Variants in RASL12 observed in about 807,000 individuals in gnomAD.
The protein encoded by RASL12 is RAS like family 12, also known as ras-like protein family member 12.
RASL12 carries 16 observed loss-of-function variants against 22.9 expected under a neutral mutation model. The observed-to-expected ratio is 0.70, with a 90% confidence interval of 0.47 to 1.06. RASL12 has a LOEUF of 1.06. RASL12 is among the 50% of genes least tolerant of loss of function. RASL12 has a pLI of 0.00. For missense variants in RASL12, 306 were observed against 353.1 expected (o/e 0.87, Z 1.07); for synonymous variants, 159 against 152.2 (o/e 1.04, Z -0.33).
At chr15:65,074,709 T>C (rs968262419) in intron 1 of RASL12, among the ~76,000 whole-genome samples, 47 of 152,138 alleles carry the variant, frequency 3.1e-4, no homozygotes, top group African/African-American at 9.9e-4. Context: ...CTGGTCCCAT[T>C]TGGAACATGA....
downstream of RASL12, chr15:65,053,085 T>G: frequency 6.2e-7 from 1 of 1,614,086 alleles, no homozygotes; most frequent in Non-Finnish European, 8.5e-7. Context: ...AAGCCAAACT[T>G]GGCCCAGGTG....
At chr15:65,048,277 T>C in the RASL12 span, among the ~76,000 whole-genome samples, 3 of 152,270 alleles carry the variant, frequency 2.0e-5, no homozygotes, top group Admixed American at 2.0e-4. Context: ...CATTCACATA[T>C]GAAAAGCTTA....
chr15:65,068,804 A>C (rs1466748981), upstream of RASL12, among the ~76,000 whole-genome samples: 2 of 152,192 alleles, frequency 1.3e-5, no homozygotes, highest in Non-Finnish European at 2.9e-5. This position sits in a 1 kb window ranked among gnomAD's most constrained non-coding sequence, Gnocchi z 4.2. Context: ...GAACCTGGAC[A>C]CTTAGGATCT....
chr15:65,052,229 A>G (rs1258997773), downstream of RASL12, among the ~76,000 whole-genome samples: 1 of 151,970 alleles, frequency 6.6e-6, no homozygotes, highest in Non-Finnish European at 1.5e-5. Flanking sequence ...AGGCAGAGAG[A>G]TTAGTTAGAA....
At chr15:65,069,071 C>A (rs997902307), upstream of RASL12, among the ~76,000 whole-genome samples, 1 of 152,306 alleles carries the variant, frequency 6.6e-6, no homozygotes, top group Non-Finnish European at 1.5e-5. Flanking sequence ...TTCCCCTTCC[C>A]GCAGATGGTT....
intron 1 of RASL12, among the ~76,000 whole-genome samples, 181 bp downstream of exon 1, chr15:65,067,552 A>G (rs1234086267): frequency 6.6e-6 from 1 of 152,138 alleles, no homozygotes; most frequent in African/African-American, 2.4e-5. Flanking sequence ...AGCCGAGAGA[A>G]GAGAAAGCCC....
downstream of RASL12, chr15:65,053,098 A>C (rs768878212): frequency 1.9e-6 from 3 of 1,614,152 alleles, no homozygotes; most frequent in Non-Finnish European, 2.5e-6. Context: ...CCCAGGTGGA[A>C]CTTGAGTTAA....
chr15:65,055,115 G>A lies in RASL12; in HGVS notation c.585C>T (p.Pro195=), dbSNP rs1485787210. The change falls in exon 5 of 5, where the codon CCC becomes CCT. Residue 195 remains proline (P), a synonymous_variant. Coordinates refer to ENST00000220062, the MANE Select transcript of RASL12 (RefSeq NM_016563.4). Reference sequence around the variant, plus strand: ...GGGCCCTCTCCTCGGAGATGAAGAGGGGCCGGGTCAGGGGGCTCTTCTCCA... The same window carrying A: ...GGGCCCTCTCCTCGGAGATGAAGAGAGGCCGGGTCAGGGGGCTCTTCTCCA... ...RELEKSPLTR[P]LFISEERALP... The A allele has an allele frequency of 1.2e-6, 2 of 1,611,210 alleles. No individual in the cohort carries two copies. Among genetic ancestry groups the A allele is most frequent in the Admixed American group, 1.7e-5 (1 of 59,732 alleles).
chr15:65,052,732 G>A (rs1046685001), downstream of RASL12, among the ~76,000 whole-genome samples: 2 of 152,090 alleles, frequency 1.3e-5, no homozygotes, highest in African/African-American at 4.8e-5. Context: ...GAAGGTGCGG[G>A]GGTGGCAATG....
Position 65,055,219 on chromosome 15 carries a change from A to G in RASL12, c.481T>C (p.Phe161Leu). The G allele has an allele frequency of 1.2e-6, 2 of 1,607,888 alleles. No homozygotes were observed. The highest frequency in any genetic ancestry group is 1.1e-5 in the South Asian group (1 of 90,522). Reference sequence around the variant, plus strand: ...AAGTCCAGACAGGCAGAGACCTCGAAAAACAGGCACCCAAACCTGCCTGCC... The same window carrying G: ...AAGTCCAGACAGGCAGAGACCTCGAGAAACAGGCACCCAAACCTGCCTGCC... The part of the protein sequence containing the change: ...ALAGRFGCLF[F>L]EVSACLDFEH... The change falls in exon 5 of 5, where the codon TTC becomes CTC. Residue 161 changes from phenylalanine (F) to leucine (L), a missense_variant. Physicochemically the swap from Phe to Leu is conservative, Grantham distance 22. Transcript: ENST00000220062.
intron 4 of RASL12, 29 bp from the exon 5 acceptor site, chr15:65,055,303 G>T: frequency 6.6e-7 from 1 of 1,506,134 alleles, no homozygotes; most frequent in Non-Finnish European, 8.9e-7. Context: ...GAGGCAGGGA[G>T]TTAGGAGCAG....
At position 65,065,278 on chromosome 15, in the gene RASL12, A is replaced by G. The variant is rs879060249; in HGVS notation, c.104-5T>C. ...TCAGAAACTTCACGGTCAGGGCTGC[A>G]AGAAGCAGAAAGAGGTTGGCTCCAT... On this transcript the variant is annotated splice_region_variant and splice_polypyrimidine_tract_variant and intron_variant, in intron 1 of 4. Transcript: ENST00000220062. 9 of 1,610,736 alleles carry G rather than the reference A, an allele frequency of 5.6e-6. No homozygotes were observed. In the South Asian group the frequency reaches 1.0e-4, roughly 18 times the overall value.
intron 4 of RASL12, among the ~76,000 whole-genome samples, chr15:65,056,888 C>T (rs1340827067): frequency 2.0e-5 from 3 of 152,158 alleles, no homozygotes; most frequent in African/African-American, 7.2e-5. Flanking sequence ...AGCATGTATG[C>T]TTTGTTATTT....
upstream of RASL12, among the ~76,000 whole-genome samples, chr15:65,071,919 C>T (rs139858771): frequency 1.1e-4 from 17 of 152,268 alleles, no homozygotes; most frequent in African/African-American, 3.4e-4. Flanking sequence ...GGGCAGGGTT[C>T]GATTGAGCCT....
At chr15:65,050,821 T>TTTC (rs1431757829), downstream of RASL12, among the ~76,000 whole-genome samples, 1 of 118,894 alleles carries the variant, frequency 8.4e-6, no homozygotes, top group South Asian at 3.0e-4. Context: ...TTTTTTTTTC[T>TTTC]TTCTTCTTCT....
chr15:65,052,352 A>G (rs1391972153), downstream of RASL12, among the ~76,000 whole-genome samples: 1 of 151,260 alleles, frequency 6.6e-6, no homozygotes, highest in Non-Finnish European at 1.5e-5. Flanking sequence ...CACAGGATTC[A>G]AGAGTCAGGA....
downstream of RASL12, among the ~76,000 whole-genome samples, chr15:65,051,837 G>A (rs2086657640): frequency 6.6e-6 from 1 of 152,218 alleles, no homozygotes; most frequent in Admixed American, 6.5e-5. Flanking sequence ...TGGACAGGAA[G>A]CAGGCATGAC....
At chr15:65,066,638 G>C (rs1369532518) in intron 1 of RASL12, among the ~76,000 whole-genome samples, 1 of 152,138 alleles carries the variant, frequency 6.6e-6, no homozygotes, top group African/African-American at 2.4e-5. Context: ...CTTTTATGTA[G>C]TCACTGGCTA....
chr15:65,070,153 A>G (rs1361435138), upstream of RASL12, among the ~76,000 whole-genome samples: 1 of 152,232 alleles, frequency 6.6e-6, no homozygotes, highest in Non-Finnish European at 1.5e-5. Context: ...CTATAGTCCC[A>G]GCTACATGGG....
Sources: allele counts gnomAD v4.1 joint callset (sites outside exome capture counted in the v4.1 genomes callset), GRCh38; gene constraint gnomAD v4.1.1; non-coding constraint Gnocchi (gnomAD v3.1); transcripts MANE v1.5; gene names NCBI Gene and HGNC (gene_info 2026-07-23, HGNC 2026-07-21).